SMARCA2: variants seen among roughly 807,000 people sequenced by gnomAD.
The protein encoded by SMARCA2 is SWI/SNF related BAF chromatin remodeling complex subunit ATPase 2, also known as SWI/SNF-related matrix-associated actin-dependent regulator of chromatin subfamily A member 2.
In SMARCA2, 61 loss-of-function variants were observed where a neutral mutation model predicts 199.8. The ratio of observed to expected loss-of-function variants is 0.31; its 90% CI spans 0.25 to 0.38. The LOEUF (loss-of-function observed/expected upper bound fraction) is 0.38, where lower values mean the gene tolerates loss of function less well. SMARCA2 is among the 10% of genes least tolerant of loss of function. The pLI is 1.00. For missense variants in SMARCA2, 1,344 were observed against 2,012.2 expected (o/e 0.67, Z 6.35); for synonymous variants, 935 against 732.0 (o/e 1.28, Z -4.48).
At chr9:2,087,234 A>G in intron 18 of SMARCA2, 163 bp downstream of exon 18, 1 of 785,564 alleles carries the variant, frequency 1.3e-6, no homozygotes, top group Non-Finnish European at 2.0e-6. Context: ...TGGTGGGGTT[A>G]TTTTCCCCTC....
chr9:2,058,563 C>T lies in SMARCA2; in HGVS notation c.1521+99C>T, dbSNP rs1820453618. ...TGGTAGTAGAAGGAAAAAATGAAAACTGCTTATCAAAAATTTTAGTAAATT... is the reference window on the plus strand; with the variant it reads ...TGGTAGTAGAAGGAAAAAATGAAAATTGCTTATCAAAAATTTTAGTAAATT... On this transcript the variant is annotated intron_variant, in intron 8 of 33. Coordinates refer to ENST00000349721, the MANE Select transcript of SMARCA2 (RefSeq NM_003070.5). 3.9e-6 allele frequency: 4 copies of T among 1,017,434 alleles called. No individual in the cohort carries two copies. In the Admixed American group the frequency reaches 7.5e-5, roughly 19 times the overall value. The allele number at this position is 1,017,434 out of a possible 1,614,324, so 63.0% of individuals were successfully genotyped here. A position where few individuals can be genotyped will look rare whatever the true frequency, so the allele number is the denominator to read the frequency against.
chr9:2,096,631 C>A, intron 19 of SMARCA2, 26 bp from the exon 20 acceptor site: 1 of 1,488,794 alleles, frequency 6.7e-7, no homozygotes, highest in Non-Finnish European at 9.4e-7. Context: ...CCTGCTCTTG[C>A]CTACTTACTG....
intron 5 of SMARCA2, among the ~76,000 whole-genome samples, chr9:2,050,573 G>A (rs1820074297): frequency 1.3e-5 from 2 of 151,964 alleles, no homozygotes; most frequent in South Asian, 4.1e-4. Flanking sequence ...AGTATGAAAA[G>A]AGCGGTATAT....
At chr9:2,060,688 C>A in intron 8 of SMARCA2, 128 bp from the exon 9 acceptor site, 1 of 770,802 alleles carries the variant, frequency 1.3e-6, no homozygotes, top group Non-Finnish European at 2.1e-6. Context: ...GCTTGAACAG[C>A]CCAACTCATC....
intron 21 of SMARCA2, among the ~76,000 whole-genome samples, chr9:2,100,325 C>T (rs2130540489): frequency 6.6e-6 from 1 of 152,288 alleles, no homozygotes; most frequent in Admixed American, 6.5e-5. Flanking sequence ...ATTCTGAAAA[C>T]AGAAGCTGGA....
At chr9:2,042,869 T>C (rs1191959284) in intron 4 of SMARCA2, 2 of 152,182 alleles carry the variant, frequency 1.3e-5, no homozygotes, top group African/African-American at 4.8e-5. Context: ...AGATATCTCC[T>C]TCAAATAGAA....
intron 11 of SMARCA2, 108 bp downstream of exon 11, chr9:2,073,450 G>T: frequency 6.7e-7 from 1 of 1,501,888 alleles, no homozygotes; most frequent in Non-Finnish European, 9.1e-7. Flanking sequence ...GATGGTTGAA[G>T]TTGTTACTTG....
chr9:2,090,970 G>A lies in SMARCA2; in HGVS notation c.2883+2357G>A, dbSNP rs143849107. 9.7e-4 allele frequency among the ~76,000 whole-genome samples: 147 copies of A among 152,110 alleles called. 1 individual carries two copies. The highest frequency in any genetic ancestry group is 3.5e-3 in the African/African-American group (144 of 41,470). On this transcript the variant is annotated intron_variant, in intron 19 of 33. Coordinates refer to ENST00000349721, the MANE Select transcript of SMARCA2 (RefSeq NM_003070.5). ...ACAAACAATGTGCATGTCTTACTTA[G>A]CCTGGATAAAGAATCCAGAAAGGAA...
intron 32 of SMARCA2, among the ~76,000 whole-genome samples, chr9:2,186,607 C>T (rs1483690413): frequency 6.7e-6 from 1 of 150,066 alleles, no homozygotes; most frequent in Non-Finnish European, 1.5e-5. Flanking sequence ...CTCACTGCAA[C>T]CTCCACCTCC....
intron 27 of SMARCA2, chr9:2,158,121 T>C (rs1351303579): frequency 6.3e-6 from 2 of 318,452 alleles, no homozygotes; most frequent in African/African-American, 4.5e-5. Context: ...ACATTTTCTT[T>C]TAAGCAAAAT....
chr9:2,137,932 C>G (rs554904068), intron 27 of SMARCA2, among the ~76,000 whole-genome samples: 1 of 152,292 alleles, frequency 6.6e-6, no homozygotes, highest in African/African-American at 2.4e-5. Context: ...TTCCAGTGAT[C>G]TGTGACTTCA....
intron 2 of SMARCA2, among the ~76,000 whole-genome samples, 156 bp downstream of exon 2, chr9:2,029,403 G>A (rs1226040504): frequency 6.6e-6 from 1 of 152,164 alleles, no homozygotes; most frequent in Non-Finnish European, 1.5e-5. Context: ...CATATTGTGA[G>A]GTACTTTTAT....
intron 29 of SMARCA2, among the ~76,000 whole-genome samples, chr9:2,172,453 G>A (rs1429476883): frequency 6.6e-6 from 1 of 151,578 alleles, no homozygotes; most frequent in Non-Finnish European, 1.5e-5. Flanking sequence ...GGCAGAGCTT[G>A]TGGTGGTATG....
At chr9:2,043,063 A>G (rs1353038299) in intron 4 of SMARCA2, 1 of 152,144 alleles carries the variant, frequency 6.6e-6, no homozygotes, top group Non-Finnish European at 1.5e-5. Flanking sequence ...ATATTAGTCT[A>G]TTTATTGTTT....
Position 2,047,305 on chromosome 9 carries a change from C to T in SMARCA2, c.867C>T (p.Pro289=). The T allele has an allele frequency of 6.0e-6, 6 of 1,001,198 alleles. No individual in the cohort carries two copies. The highest frequency in any genetic ancestry group is 8.9e-5 in the South Asian group (2 of 22,426). 62.0% of individuals were successfully genotyped at this position (1,001,198 alleles called of 1,614,324 possible). The change falls in exon 5 of 34, where the codon CCC becomes CCT. Residue 289 remains proline, a synonymous_variant. Transcript: ENST00000349721. The part of the protein sequence containing the change: ...PVPAPGGRPS[P]APPAAAQPPA... ...CCGCGCCCGGCGGCCGGCCCTCGCC[C>T]GCGCCCCCCGCAGCCGCGCAGCCGC...
At chr9:2,101,250 C>G (rs963544181) in intron 21 of SMARCA2, among the ~76,000 whole-genome samples, 2 of 151,950 alleles carry the variant, frequency 1.3e-5, no homozygotes, top group Non-Finnish European at 2.9e-5. Context: ...CAGATCCACC[C>G]TAGAGGGTGG....
chr9:2,192,657 C>T (rs771901063), intron 33 of SMARCA2, 47 bp from the exon 34 acceptor site: 1 of 1,322,090 alleles, frequency 7.6e-7, no homozygotes, highest in East Asian at 2.3e-5. Flanking sequence ...TCTTCTTTTT[C>T]TTGCATGTGA....
At chr9:2,036,028 C>A (rs910794663) in intron 3 of SMARCA2, among the ~76,000 whole-genome samples, 3 of 152,094 alleles carry the variant, frequency 2.0e-5, no homozygotes, top group African/African-American at 7.2e-5. Context: ...TACCTAGCAA[C>A]CTATTAGGTT....
At chr9:2,059,835 A>G (rs979683124) in intron 8 of SMARCA2, among the ~76,000 whole-genome samples, 2 of 152,138 alleles carry the variant, frequency 1.3e-5, no homozygotes, top group Admixed American at 6.6e-5. Flanking sequence ...TGTTTTTGCA[A>G]TGGAGTTGCC....
Sources: allele counts gnomAD v4.1 joint callset (sites outside exome capture counted in the v4.1 genomes callset), GRCh38; gene constraint gnomAD v4.1.1; transcripts MANE v1.5; gene names NCBI Gene and HGNC (gene_info 2026-07-23, HGNC 2026-07-21).